INTS4: variants seen among roughly 807,000 people sequenced by gnomAD.
INTS4 encodes MSTP093.
In INTS4, 70 loss-of-function variants were observed where a neutral mutation model predicts 119.5. The observed-to-expected ratio is 0.59, with a 90% CI of 0.48 to 0.71. The LOEUF (loss-of-function observed/expected upper bound fraction) is 0.71, where lower values mean the gene tolerates loss of function less well. Ranked by LOEUF, INTS4 falls within the 30% of genes least tolerant of loss-of-function variation. The pLI is 0.00. For missense variants in INTS4, 867 were observed against 1,173.2 expected (o/e 0.74, Z 3.81); for synonymous variants, 316 against 419.6 (o/e 0.75, Z 3.02).
chr11:77,920,885 T>C (rs1357053966), intron 14 of INTS4, among the ~76,000 whole-genome samples: 1 of 150,052 alleles, frequency 6.7e-6, no homozygotes, highest in Admixed American at 6.6e-5. Flanking sequence ...AATAAATAAA[T>C]ATATATATAT....
chr11:77,912,755 A>C (rs956036236), intron 15 of INTS4, among the ~76,000 whole-genome samples: 3 of 152,230 alleles, frequency 2.0e-5, no homozygotes, highest in Non-Finnish European at 4.4e-5. Flanking sequence ...TCCTGCACCT[A>C]GATGATGACA....
chr11:77,967,901 T>C (rs1308852016), intron 4 of INTS4, among the ~76,000 whole-genome samples: 1 of 152,198 alleles, frequency 6.6e-6, no homozygotes, highest in Non-Finnish European at 1.5e-5. Flanking sequence ...AAGGATACAT[T>C]CTGAGAAATG....
At chr11:77,951,838 C>G (rs1031966442) in intron 8 of INTS4, among the ~76,000 whole-genome samples, 1 of 152,148 alleles carries the variant, frequency 6.6e-6, no homozygotes, top group Non-Finnish European at 1.5e-5. Context: ...ACAGCCCCAT[C>G]AAAAAGTGGG....
intron 17 of INTS4, among the ~76,000 whole-genome samples, chr11:77,903,126 A>G (rs529748852): frequency 2.0e-5 from 3 of 152,342 alleles, no homozygotes; most frequent in South Asian, 4.1e-4. Context: ...AACTTGCTCA[A>G]TATCACTCAG....
Position 77,938,701 on chromosome 11 carries a change from T to C in INTS4, c.1115A>G (p.Glu372Gly), listed in dbSNP as rs1323479224. ...AACAAAAGCTCCACAAGCTCCTGAC[T>C]CAATCAAGTTCACAGCCCCGGTATC... ...EVDTGAVNLI[E>G]SGACGAFVHG... Residue 372 changes from glutamate to glycine, a missense_variant, in exon 10 of 23, where the codon GAG becomes GGG. Transcript: ENST00000534064. 3.1e-6 allele frequency: 5 copies of C among 1,611,828 alleles called. No individual in the cohort carries two copies. The highest frequency in any genetic ancestry group is 4.2e-6 in the Non-Finnish European group (5 of 1,179,842).
In INTS4 at chr11:77,994,439, A is replaced by G. The variant is rs569287558; in HGVS notation, c.54+151T>C. The G allele has an allele frequency of 2.3e-4, 153 of 652,740 alleles. 3 individuals carry two copies. The South Asian group carries it at 2.9e-3, about 12-fold the overall frequency. The allele number at this position is 652,740 out of a possible 1,614,324, so 40.4% of individuals were successfully genotyped here. On this transcript the variant is annotated intron_variant, in intron 1 of 22. Coordinates refer to ENST00000534064, the MANE Select transcript of INTS4 (RefSeq NM_033547.4). ...TAATGACAACAGCGGCTGCAAACTA[A>G]CACGCCCACTAACTTGCAATATCAG...
At chr11:77,895,216 C>G (rs757465219) in intron 18 of INTS4, among the ~76,000 whole-genome samples, 48 of 152,108 alleles carry the variant, frequency 3.2e-4, no homozygotes, top group Non-Finnish European at 6.2e-4. Context: ...CTTCCTATTT[C>G]TTGTATGTAA....
At chr11:77,891,117 T>C (rs1475844366) in intron 21 of INTS4, among the ~76,000 whole-genome samples, 2 of 152,190 alleles carry the variant, frequency 1.3e-5, no homozygotes, top group Non-Finnish European at 2.9e-5. Flanking sequence ...TTGTAGAATC[T>C]GAGACTCAGA....
At chr11:77,947,486 A>T (rs1239647490) in intron 8 of INTS4, among the ~76,000 whole-genome samples, 1 of 152,260 alleles carries the variant, frequency 6.6e-6, no homozygotes, top group Non-Finnish European at 1.5e-5. Flanking sequence ...ATGGGATAGA[A>T]TTAATATATT....
chr11:77,924,458 T>C, intron 12 of INTS4: 1 of 265,366 alleles, frequency 3.8e-6, no homozygotes, highest in East Asian at 7.4e-5. Flanking sequence ...ATCTAATTAA[T>C]TTATTTCTAT....
chr11:77,968,733 A>C (rs966254779), intron 4 of INTS4, among the ~76,000 whole-genome samples: 18 of 152,232 alleles, frequency 1.2e-4, no homozygotes, highest in African/African-American at 4.1e-4. Context: ...TCTCCTTAGT[A>C]TACATCCAAG....
At chr11:77,955,151 G>A (rs1453133196) in intron 8 of INTS4, among the ~76,000 whole-genome samples, 1 of 152,030 alleles carries the variant, frequency 6.6e-6, no homozygotes, top group East Asian at 1.9e-4. Context: ...ACCAGCCTGG[G>A]CACAAAGCAA....
chr11:77,983,581 G>A (rs1049663421), intron 2 of INTS4, among the ~76,000 whole-genome samples: 1 of 152,104 alleles, frequency 6.6e-6, no homozygotes, highest in Non-Finnish European at 1.5e-5. Context: ...CATGAAAAGA[G>A]GCTCAACATC....
intron 15 of INTS4, among the ~76,000 whole-genome samples, chr11:77,915,831 T>C (rs1186445604): frequency 1.3e-5 from 2 of 152,268 alleles, no homozygotes; most frequent in Non-Finnish European, 2.9e-5. Context: ...GTTCCAGACA[T>C]GATTTATTAT....
chr11:77,965,446 G>T (rs1855460777), intron 4 of INTS4, among the ~76,000 whole-genome samples: 1 of 152,026 alleles, frequency 6.6e-6, no homozygotes, highest in Non-Finnish European at 1.5e-5. Context: ...CTCCTGTTGA[G>T]CTGAAACTTT....
At chr11:77,904,827 A>ATAGTTGCATCATGT (rs1390556705) in intron 16 of INTS4, among the ~76,000 whole-genome samples, 1 of 152,164 alleles carries the variant, frequency 6.6e-6, no homozygotes, top group East Asian at 1.9e-4. Context: ...TGTATGCAGG[A>ATAGTTGCATCATGT]TAGTTGCATC....
At chr11:77,976,966 A>C (rs1170561282) in intron 4 of INTS4, among the ~76,000 whole-genome samples, 1 of 152,164 alleles carries the variant, frequency 6.6e-6, no homozygotes, top group Admixed American at 6.5e-5. Context: ...TTGGAGATAT[A>C]CCTAATGTTA....
At chr11:77,953,724 C>G (rs1954251149) in intron 8 of INTS4, among the ~76,000 whole-genome samples, 1 of 152,142 alleles carries the variant, frequency 6.6e-6, no homozygotes, top group African/African-American at 2.4e-5. Context: ...GCTGGGACTA[C>G]AGGTGTGTGT....
chr11:77,929,119 G>A lies in INTS4; in HGVS notation c.1166-572C>T, dbSNP rs866383086. ...CCCAGCTACTCAGGAAGCTGAGGTG[G>A]GAGGATCATTTGAGCTCAGGAGTTC... On this transcript the variant is annotated intron_variant, in intron 10 of 22. Coordinates refer to ENST00000534064, the MANE Select transcript of INTS4 (RefSeq NM_033547.4). 1.4e-4 allele frequency among the ~76,000 whole-genome samples: 21 copies of A among 152,202 alleles called. No individual in the cohort carries two copies. In the South Asian group the frequency reaches 2.3e-3, roughly 17 times the overall value.
Sources: allele counts gnomAD v4.1 joint callset (sites outside exome capture counted in the v4.1 genomes callset), GRCh38; gene constraint gnomAD v4.1.1; transcripts MANE v1.5; gene names NCBI Gene and HGNC (gene_info 2026-07-23, HGNC 2026-07-21).